The following EP300 variants were observed in gnomAD, a reference collection of about 807,000 sequenced individuals.
EP300 encodes histone acetyltransferase p300.
A neutral mutation model predicts 264.0 loss-of-function variants in EP300; 31 were observed. The ratio of observed to expected loss-of-function variants is 0.12; its 90% CI spans 0.09 to 0.16. EP300 has a LOEUF of 0.16. Ranked by LOEUF, EP300 falls within the 10% of genes least tolerant of loss-of-function variation. The pLI is 1.00. For missense variants in EP300, 2,766 were observed against 3,052.9 expected, an observed-to-expected ratio of 0.91 and a Z score of 2.21; for synonymous variants, 1,340 against 1,045.4, an observed-to-expected ratio of 1.28 and a Z score of -5.44.
At position 41,169,486 on chromosome 22, in the gene EP300, CTCTTCATTTT is replaced by C. The variant is rs2059158027; in HGVS notation, c.4173-16_4173-7del. 3 of 1,529,920 alleles carry C rather than the reference CTCTTCATTTT, an allele frequency of 2.0e-6. No individual in the cohort carries two copies. The highest frequency in any genetic ancestry group is 2.2e-5 in the East Asian group (1 of 44,464). 94.8% of individuals were successfully genotyped at this position (1,529,920 alleles called of 1,614,324 possible). On this transcript the variant is annotated splice_region_variant and splice_polypyrimidine_tract_variant and intron_variant, in intron 25 of 30. Transcript: ENST00000263253. ...CTGACTTTTTTTTTCCTCTTCATTT[CTCTTCATTTT>C]GTATAGGAGAGTATACATATCTTAC...
intron 20 of EP300, among the ~76,000 whole-genome samples, chr22:41,161,219 T>C (rs1259766382): frequency 1.3e-5 from 2 of 152,212 alleles, no homozygotes; most frequent in African/African-American, 4.8e-5. Flanking sequence ...TAATAGACTT[T>C]AACAGCATGC....
chr22:41,149,321 G>C, intron 13 of EP300, 146 bp downstream of exon 13: 2 of 879,480 alleles, frequency 2.3e-6, no homozygotes, highest in Non-Finnish European at 3.6e-6. Context: ...AGGGTATTCT[G>C]AACATGAAGA....
intron 16 of EP300, among the ~76,000 whole-genome samples, chr22:41,153,070 C>T (rs2059056379): frequency 6.6e-6 from 1 of 152,082 alleles, no homozygotes; most frequent in Admixed American, 6.6e-5. Flanking sequence ...TTAATAATTT[C>T]ACAACAGCTC....
intron 2 of EP300, among the ~76,000 whole-genome samples, chr22:41,124,433 C>T (rs1021913885): frequency 9.2e-5 from 14 of 152,124 alleles, no homozygotes; most frequent in African/African-American, 3.4e-4. Context: ...ATCAGTGTCC[C>T]TACACAAAAA....
chr22:41,154,246 A>G (rs1227217374), intron 16 of EP300, among the ~76,000 whole-genome samples: 8 of 151,602 alleles, frequency 5.3e-5, no homozygotes, highest in Non-Finnish European at 1.2e-4. Flanking sequence ...TGTGCCCCTG[A>G]CTCCTTGTAG....
chr22:41,133,226 G>T (rs1001574699), intron 6 of EP300, among the ~76,000 whole-genome samples: 20 of 140,980 alleles, frequency 1.4e-4, no homozygotes, highest in Non-Finnish European at 3.0e-4. Flanking sequence ...GCACGATCTT[G>T]GCTCACTGCA....
intron 2 of EP300, among the ~76,000 whole-genome samples, chr22:41,122,205 G>A (rs974624455): frequency 8.6e-6 from 1 of 116,228 alleles, no homozygotes; most frequent in Non-Finnish European, 1.6e-5. Context: ...CGTTCTTGTC[G>A]CCCAGGCAGG....
chr22:41,116,038 GTTC>G (rs1360784057), intron 1 of EP300, among the ~76,000 whole-genome samples: 5 of 151,798 alleles, frequency 3.3e-5, no homozygotes, highest in African/African-American at 1.2e-4. Context: ...TATTTTAACT[GTTC>G]TTCTAAGGAA....
Position 41,170,395 on chromosome 22 carries a change from T to C in EP300, c.4287-11T>C, listed in dbSNP as rs2145766295. 1.2e-6 allele frequency: 2 copies of C among 1,611,884 alleles called. No individual in the cohort carries two copies. Among genetic ancestry groups the C allele is most frequent in the Non-Finnish European group, 1.7e-6 (2 of 1,177,928 alleles). ...TCTTTTCCTTAATGTTCTTTCTCTT[T>C]GTATTGTTAGTTACACAACAGGGCA... is the stretch of plus-strand genomic sequence containing the variant. On this transcript the variant is annotated splice_polypyrimidine_tract_variant and intron_variant, in intron 26 of 30. Transcript: ENST00000263253.
chr22:41,160,132 C>G (rs1290868256), intron 19 of EP300: 1 of 160,982 alleles, frequency 6.2e-6, no homozygotes, highest in Non-Finnish European at 1.4e-5. Flanking sequence ...TATATTTATC[C>G]TTCTTCCTCC....
At chr22:41,094,913 G>T (rs1347260052) in intron 1 of EP300, among the ~76,000 whole-genome samples, 1 of 151,856 alleles carries the variant, frequency 6.6e-6, no homozygotes, top group African/African-American at 2.4e-5. Context: ...TCTCCATGTC[G>T]GTCTGTTTTG....
intron 10 of EP300, among the ~76,000 whole-genome samples, chr22:41,144,172 G>A (rs188943512): frequency 2.0e-5 from 3 of 152,264 alleles, no homozygotes; most frequent in African/African-American, 4.8e-5. Context: ...TCTGGAAGAA[G>A]TAAATACTAA....
chr22:41,143,325 G>T (rs911932321), intron 10 of EP300, among the ~76,000 whole-genome samples: 3 of 151,960 alleles, frequency 2.0e-5, no homozygotes, highest in Non-Finnish European at 4.4e-5. Flanking sequence ...GGAGGTGTGT[G>T]CCTGTAGTCC....
intron 5 of EP300, among the ~76,000 whole-genome samples, chr22:41,130,562 CAACTG>C (rs1219641286): frequency 4.0e-5 from 6 of 151,660 alleles, no homozygotes; most frequent in African/African-American, 7.3e-5. Flanking sequence ...ACAAAAAAAA[CAACTG>C]AACACTGCTT....
intron 4 of EP300, among the ~76,000 whole-genome samples, 179 bp downstream of exon 4, chr22:41,127,927 C>CT (rs2058892370): frequency 6.6e-6 from 1 of 152,212 alleles, no homozygotes; most frequent in Non-Finnish European, 1.5e-5. Flanking sequence ...GTGTCTCACA[C>CT]TTACAATCCC....
chr22:41,120,862 G>A (rs1322602181), intron 2 of EP300, among the ~76,000 whole-genome samples: 1 of 152,164 alleles, frequency 6.6e-6, no homozygotes, highest in East Asian at 1.9e-4. Flanking sequence ...AGTACTACAA[G>A]GACTGTCATG....
At chr22:41,166,501 A>AT in intron 22 of EP300, 98 bp from the exon 23 acceptor site, 3 of 930,938 alleles carry the variant, frequency 3.2e-6, no homozygotes, top group South Asian at 1.5e-5. Flanking sequence ...AAATTTAGAA[A>AT]TACTTCTGCT....
At position 41,131,536 on chromosome 22, in the gene EP300, A is replaced by G. The variant is rs754591390; in HGVS notation, c.1431A>G (p.Val477=). Residue 477 remains valine, a synonymous_variant, in exon 6 of 31, where the codon GTA becomes GTG. Coordinates refer to ENST00000263253, the MANE Select transcript of EP300 (RefSeq NM_001429.4). ...CAGCTCTTGGACTACCCTATCAAGT[A>G]AATCAGATGCCGACACAACCCCAGG... is the stretch of plus-strand genomic sequence containing the variant. ...AYAALGLPYQ[V]NQMPTQPQVQ... is the part of the protein sequence containing the mutation. 20 of 1,613,962 alleles carry G rather than the reference A, an allele frequency of 1.2e-5. No homozygotes were observed. Among genetic ancestry groups the G allele is most frequent in the Non-Finnish European group, 1.4e-5 (17 of 1,180,028 alleles).
intron 25 of EP300, 34 bp from the exon 26 acceptor site, chr22:41,169,469 T>A (rs770036015): frequency 2.1e-6 from 3 of 1,442,400 alleles, no homozygotes; most frequent in Non-Finnish European, 2.9e-6. Context: ...ACCTGACTTT[T>A]TTTTTCCTCT....
Sources: gnomAD v4.1 joint callset for allele counts (sites outside exome capture counted in the v4.1 genomes callset) on GRCh38, gnomAD v4.1.1 for gene constraint, MANE v1.5 for transcripts, NCBI Gene and HGNC (gene_info 2026-07-23, HGNC 2026-07-21) for gene names.